The following ZC3H3 variants were observed in gnomAD, a reference collection of about 807,000 sequenced individuals.
ZC3H3 encodes zinc finger CCCH domain-containing protein 3.
A neutral mutation model predicts 77.3 loss-of-function variants in ZC3H3; 36 were observed. The observed-to-expected ratio is 0.47, with a 90% CI of 0.36 to 0.61. The LOEUF (loss-of-function observed/expected upper bound fraction) is 0.61. Among genes scored for constraint, ZC3H3 ranks in the 20% least tolerant of loss-of-function variants. ZC3H3 has a pLI of 0.00. For missense variants in ZC3H3, 1,331 were observed against 1,312.2 expected (o/e 1.01, Z -0.22); for synonymous variants, 626 against 555.2 (o/e 1.13, Z -1.79).
rs998429489 is a variant in ZC3H3 at position 143,533,539 on chromosome 8, T to A, written c.1561+2718A>T. On this transcript the variant is annotated intron_variant, in intron 3 of 11. Coordinates refer to ENST00000262577, the MANE Select transcript of ZC3H3 (RefSeq NM_015117.3). This position sits in a 1 kb window ranked among gnomAD's most constrained non-coding sequence, Gnocchi z 4.0. Reference sequence around the variant, plus strand: ...TCATCTCTTCACCTTCACTGCAGTATCCCCAGGAGCCGGCAGGCTGCCAGG... The same window carrying A: ...TCATCTCTTCACCTTCACTGCAGTAACCCCAGGAGCCGGCAGGCTGCCAGG... Among the ~76,000 whole-genome samples the A allele has an allele frequency of 1.2e-4, 19 of 152,220 alleles. No homozygotes were observed. Among genetic ancestry groups the A allele is most frequent in the African/African-American group, 4.6e-4 (19 of 41,534 alleles).
At position 143,538,779 on chromosome 8, in the gene ZC3H3, A is replaced by T; in HGVS notation, c.588T>A (p.Pro196=). The change falls in exon 2 of 12, where the codon CCT becomes CCA. Residue 196 remains proline, a synonymous_variant. Coordinates refer to ENST00000262577, the MANE Select transcript of ZC3H3 (RefSeq NM_015117.3). ...CTGACTTCACCATCCTGGGCTTACC[A>T]GGCTCCTTCTGGCAGACCAGAAGAG... ...EDPLLVCQKE[P]GKPRMVKSVG... is the part of the protein sequence containing the mutation. 1 of 1,612,140 alleles carries T rather than the reference A, an allele frequency of 6.2e-7. No homozygotes were observed. Among genetic ancestry groups the T allele is most frequent in the Non-Finnish European group, 8.5e-7 (1 of 1,179,840 alleles).
chr8:143,452,060 C>G (rs1240909849), intron 9 of ZC3H3, among the ~76,000 whole-genome samples: 1 of 152,212 alleles, frequency 6.6e-6, no homozygotes, highest in African/African-American at 2.4e-5. Context: ...AGGCAAAGGG[C>G]AGCCCAGCAA....
At chr8:143,483,364 G>T (rs1361797675) in intron 4 of ZC3H3, among the ~76,000 whole-genome samples, 1 of 152,224 alleles carries the variant, frequency 6.6e-6, no homozygotes, top group South Asian at 2.1e-4. Flanking sequence ...AGCCACTGCG[G>T]CCCCCGAATG....
At chr8:143,464,938 T>C (rs1445738321) in intron 9 of ZC3H3, among the ~76,000 whole-genome samples, 1 of 150,768 alleles carries the variant, frequency 6.6e-6, no homozygotes, top group African/African-American at 2.5e-5. Flanking sequence ...AGAGGGGGCT[T>C]GTACCCGGGA....
chr8:143,447,631 G>A (rs1194464990), intron 9 of ZC3H3, among the ~76,000 whole-genome samples: 21 of 152,206 alleles, frequency 1.4e-4, no homozygotes, highest in Admixed American at 2.6e-4. Context: ...TTCACAGGCC[G>A]TAGAGGAAGC....
chr8:143,527,060 C>G (rs920795139), intron 3 of ZC3H3, among the ~76,000 whole-genome samples: 1 of 152,178 alleles, frequency 6.6e-6, no homozygotes, highest in Non-Finnish European at 1.5e-5. Context: ...CGGGACGGCC[C>G]TGTGCCGTGC....
At chr8:143,478,408 G>A (rs962662770) in intron 4 of ZC3H3, among the ~76,000 whole-genome samples, 6 of 152,234 alleles carry the variant, frequency 3.9e-5, no homozygotes, top group African/African-American at 1.4e-4. Context: ...AGCAGGCACT[G>A]GAAGCTTCCA....
At chr8:143,453,643 A>G (rs1016503445) in intron 9 of ZC3H3, among the ~76,000 whole-genome samples, 14 of 152,258 alleles carry the variant, frequency 9.2e-5, no homozygotes, top group African/African-American at 3.1e-4. Context: ...AAAGGAAACA[A>G]AAGAAAAAGG....
intron 9 of ZC3H3, among the ~76,000 whole-genome samples, chr8:143,441,705 A>T (rs1299658033): frequency 2.0e-5 from 3 of 152,092 alleles, no homozygotes; most frequent in Non-Finnish European, 2.9e-5. Flanking sequence ...CTCTCCTACC[A>T]GGCCCACAGG....
chr8:143,520,274 C>T (rs1235569807), intron 3 of ZC3H3, among the ~76,000 whole-genome samples: 1 of 152,218 alleles, frequency 6.6e-6, no homozygotes, highest in African/African-American at 2.4e-5. Context: ...TGATGTCTCC[C>T]GGGAGAGGGC....
intron 4 of ZC3H3, among the ~76,000 whole-genome samples, chr8:143,507,529 C>T (rs557565552): frequency 1.3e-5 from 2 of 152,404 alleles, no homozygotes. Context: ...TCCGTCTTCA[C>T]GTGTATGTGG....
At chr8:143,492,088 AG>A (rs1168221065) in intron 4 of ZC3H3, among the ~76,000 whole-genome samples, 1 of 152,194 alleles carries the variant, frequency 6.6e-6, no homozygotes, top group Admixed American at 6.5e-5. Flanking sequence ...GCGTGCCGAG[AG>A]GGAATGGAGA....
Position 143,538,017 on chromosome 8 carries a change from T to G in ZC3H3, c.1350A>C (p.Arg450Ser). 1 of 1,605,610 alleles carries G rather than the reference T, an allele frequency of 6.2e-7. No homozygotes were observed. The highest frequency in any genetic ancestry group is 8.5e-7 in the Non-Finnish European group (1 of 1,175,482). The change falls in exon 2 of 12, where the codon AGA becomes AGC. Residue 450 changes from arginine to serine, a missense_variant. Physicochemically the swap from Arg to Ser is moderately radical, Grantham distance 110 (BLOSUM62 -1). Around this residue, in one of 3 missense-constraint regions of ZC3H3, gnomAD observed 978 missense variants for 915.5 expected, o/e 1.07. Coordinates refer to ENST00000262577, the MANE Select transcript of ZC3H3 (RefSeq NM_015117.3). ...KVKSRTKIIR[R>S]RSSTSLPGDK... Reference sequence around the variant, plus strand: ...GGGATGCCCACCTTGTGCTGCTGCGTCTCCGGATGATCTTGGTGCGGCTCT... The same window carrying G: ...GGGATGCCCACCTTGTGCTGCTGCGGCTCCGGATGATCTTGGTGCGGCTCT...
At chr8:143,537,879 T>C in intron 2 of ZC3H3, 124 bp downstream of exon 2, 1 of 1,082,574 alleles carries the variant, frequency 9.2e-7, no homozygotes, top group South Asian at 1.5e-5. Context: ...TCCTGCCTCA[T>C]TTCTTGCTGG....
intron 9 of ZC3H3, among the ~76,000 whole-genome samples, chr8:143,441,651 G>A (rs1447856846): frequency 6.6e-6 from 1 of 152,174 alleles, no homozygotes; most frequent in East Asian, 1.9e-4. Flanking sequence ...CAGGGCAGGG[G>A]GTGTGCCAGC....
At chr8:143,466,599 T>G (rs1586891672) in intron 8 of ZC3H3, among the ~76,000 whole-genome samples, 1 of 151,504 alleles carries the variant, frequency 6.6e-6, no homozygotes, top group African/African-American at 2.4e-5. Context: ...AAGCAGGGGG[T>G]CTCTTGCCAT....
intron 3 of ZC3H3, among the ~76,000 whole-genome samples, chr8:143,526,350 G>A (rs1822412230): frequency 6.6e-6 from 1 of 152,260 alleles, no homozygotes; most frequent in Admixed American, 6.5e-5. Flanking sequence ...ATGAGTGGCA[G>A]GAAGACCAGG....
In ZC3H3 at chr8:143,536,379, T is replaced by C; in HGVS notation, c.1439A>G (p.Gln480Arg). The C allele has an allele frequency of 1.9e-6, 3 of 1,588,466 alleles. No homozygotes were observed. The highest frequency in any genetic ancestry group is 2.3e-5 in the East Asian group (1 of 43,794). ...AKSHLSLRRR[Q>R]ALRGKSSPVL... ...AGGGCTGCTCTTCCCCCTGAGGGCC[T>C]GTCTCCGCCGGAGGCTGAGGTGGCT... The change falls in exon 3 of 12, where the codon CAG becomes CGG. Residue 480 changes from glutamine (Q) to arginine (R), a missense_variant. Around this residue, in one of 3 missense-constraint regions of ZC3H3, gnomAD observed 978 missense variants for 915.5 expected, o/e 1.07. Transcript: ENST00000262577.
intron 8 of ZC3H3, 106 bp downstream of exon 8, chr8:143,468,103 A>G (rs1820461938): frequency 2.2e-6 from 3 of 1,372,564 alleles, no homozygotes; most frequent in South Asian, 2.6e-5. Flanking sequence ...AGGGATCTGC[A>G]TGTCCCAAAC....
Sources: allele counts gnomAD v4.1 joint callset (sites outside exome capture counted in the v4.1 genomes callset), GRCh38; gene constraint gnomAD v4.1.1; regional missense constraint gnomAD v4.1.1; non-coding constraint Gnocchi (gnomAD v3.1); transcripts MANE v1.5; gene names NCBI Gene and HGNC (gene_info 2026-07-23, HGNC 2026-07-21).